SAMSN1: variants seen among roughly 807,000 people sequenced by gnomAD.
The protein encoded by SAMSN1 is SAM domain, SH3 domain and nuclear localization signals 1, also known as SAM domain-containing protein SAMSN-1.
Under a neutral mutation model 42.0 loss-of-function variants are expected in SAMSN1, and 31 were observed. That is an observed-to-expected ratio of 0.74 (90% CI 0.55 to 1.00). The LOEUF is 1.00. Ranked by LOEUF, SAMSN1 falls within the 50% of genes least tolerant of loss-of-function variation. The pLI is 0.00. For missense variants in SAMSN1, 464 were observed against 439.4 expected (o/e 1.06, Z -0.50); for synonymous variants, 178 against 151.9 (o/e 1.17, Z -1.26).
chr21:14,559,099 C>A (rs1296771069), intron 2 of SAMSN1, among the ~76,000 whole-genome samples: 1 of 152,144 alleles, frequency 6.6e-6, no homozygotes, highest in East Asian at 1.9e-4. Context: ...TTGAATTTGC[C>A]AACTCCTGTT....
chr21:14,507,718 C>A (rs928519591), intron 5 of SAMSN1, among the ~76,000 whole-genome samples: 8 of 151,948 alleles, frequency 5.3e-5, no homozygotes, highest in African/African-American at 1.4e-4. Context: ...TCATATGGAA[C>A]CAAAAAAGAG....
chr21:14,504,366 G>A (rs1037942595), intron 5 of SAMSN1, among the ~76,000 whole-genome samples: 7 of 152,270 alleles, frequency 4.6e-5, no homozygotes, highest in South Asian at 2.1e-4. Context: ...GATCCAAGAC[G>A]TGAAGGGAGA....
intron 1 of SAMSN1, among the ~76,000 whole-genome samples, chr21:14,650,440 T>C (rs1308119450): frequency 6.6e-6 from 1 of 152,064 alleles, no homozygotes; most frequent in Non-Finnish European, 1.5e-5. Context: ...TGACCAGTGG[T>C]CAATGAAGAG....
At chr21:14,602,233 T>C (rs549003084) in intron 5 of SAMSN1, 21 of 343,714 alleles carry the variant, frequency 6.1e-5, no homozygotes, top group Non-Finnish European at 9.6e-5. Flanking sequence ...ATATTTTTTT[T>C]TGTTAAATAT....
Position 14,498,086 on chromosome 21 carries a change from A to G in SAMSN1, c.919+356T>C, listed in dbSNP as rs540370653. Among the ~76,000 whole-genome samples, 21 of 152,344 alleles carry G rather than the reference A, an allele frequency of 1.4e-4. No individual in the cohort carries two copies. In the South Asian group the frequency reaches 1.7e-3, roughly 12 times the overall value. On this transcript the variant is annotated intron_variant, in intron 7 of 7. Transcript: ENST00000400566. ...AGCCTCGTGTTGTTCTACAGAAGCC[A>G]TGTGTGACATTTCGCACTAATGGCT... is the stretch of plus-strand genomic sequence containing the variant.
intron 7 of SAMSN1, among the ~76,000 whole-genome samples, chr21:14,494,916 A>T (rs1028795058): frequency 2.0e-5 from 3 of 152,130 alleles, no homozygotes; most frequent in Non-Finnish European, 4.4e-5. Flanking sequence ...CATTATCTCA[A>T]AATTTTAGCT....
chr21:14,591,812 T>C (rs1471631943), intron 7 of SAMSN1: 1 of 152,122 alleles, frequency 6.6e-6, no homozygotes, highest in Non-Finnish European at 1.5e-5. Flanking sequence ...TTCTAGCTCC[T>C]CCTTCCTCTC....
upstream of SAMSN1, among the ~76,000 whole-genome samples, chr21:14,586,288 A>G (rs1379445171): frequency 6.6e-6 from 1 of 151,586 alleles, no homozygotes; most frequent in East Asian, 1.9e-4. Flanking sequence ...AGAAAAAGAA[A>G]AAAAAAGAAA....
At chr21:14,558,232 T>G (rs1345122888) in intron 2 of SAMSN1, among the ~76,000 whole-genome samples, 1 of 152,074 alleles carries the variant, frequency 6.6e-6, no homozygotes, top group Non-Finnish European at 1.5e-5. Flanking sequence ...GCCACCTCCT[T>G]GGATTGACAA....
chr21:14,637,533 G>T (rs1225914595), intron 2 of SAMSN1, among the ~76,000 whole-genome samples: 1 of 152,262 alleles, frequency 6.6e-6, no homozygotes, highest in Non-Finnish European at 1.5e-5. Flanking sequence ...CAATGTAATA[G>T]GTCCAAGATG....
chr21:14,657,509 C>T (rs1352447298), intron 1 of SAMSN1, among the ~76,000 whole-genome samples: 1 of 151,824 alleles, frequency 6.6e-6, no homozygotes, highest in Admixed American at 6.6e-5. Context: ...CCACGCTGAA[C>T]CATGCTATGT....
intron 2 of SAMSN1, among the ~76,000 whole-genome samples, chr21:14,570,204 C>G (rs948554331): frequency 9.9e-5 from 15 of 152,146 alleles, no homozygotes; most frequent in Admixed American, 3.9e-4. Flanking sequence ...AAAAAGTTCC[C>G]GCATTCTAGA....
intron 2 of SAMSN1, among the ~76,000 whole-genome samples, chr21:14,559,803 GC>G (rs1568808358): frequency 1.3e-5 from 2 of 152,070 alleles, no homozygotes; most frequent in African/African-American, 4.8e-5. Context: ...ACCAAGCCTG[GC>G]CTCAAAATCC....
At chr21:14,656,854 A>G (rs1366423799) in intron 1 of SAMSN1, among the ~76,000 whole-genome samples, 3 of 151,982 alleles carry the variant, frequency 2.0e-5, no homozygotes, top group East Asian at 1.9e-4. Context: ...TATGTGACAC[A>G]TAATATTTAA....
chr21:14,637,215 G>A (rs917350407), intron 2 of SAMSN1, among the ~76,000 whole-genome samples: 1 of 151,578 alleles, frequency 6.6e-6, no homozygotes, highest in Non-Finnish European at 1.5e-5. Context: ...GATTTTTTTC[G>A]CTGGGACTGA....
At chr21:14,641,381 C>A (rs1261270482) in intron 2 of SAMSN1, among the ~76,000 whole-genome samples, 4 of 152,060 alleles carry the variant, frequency 2.6e-5, no homozygotes, top group African/African-American at 9.7e-5. Context: ...GATAATAAGC[C>A]ATTTTTAATG....
intron 1 of SAMSN1, among the ~76,000 whole-genome samples, chr21:14,647,480 G>A (rs1461730789): frequency 1.3e-5 from 2 of 149,096 alleles, no homozygotes; most frequent in Non-Finnish European, 3.0e-5. Flanking sequence ...CTCTTTTTTG[G>A]TTCCCTATGA....
chr21:14,556,131 C>A (rs918988109), intron 2 of SAMSN1, among the ~76,000 whole-genome samples: 1 of 152,140 alleles, frequency 6.6e-6, no homozygotes, highest in South Asian at 2.1e-4. Context: ...AAGATCATTT[C>A]TATTTCCTTT....
At chr21:14,581,611 G>A (rs985962603) in intron 2 of SAMSN1, among the ~76,000 whole-genome samples, 66 of 151,298 alleles carry the variant, frequency 4.4e-4, no homozygotes, top group African/African-American at 1.5e-3. Flanking sequence ...CTCCCGCCTC[G>A]GCCTCCCAAA....
Sources: gnomAD v4.1 joint callset for allele counts (sites outside exome capture counted in the v4.1 genomes callset) on GRCh38, gnomAD v4.1.1 for gene constraint, MANE v1.5 for transcripts, NCBI Gene and HGNC (gene_info 2026-07-23, HGNC 2026-07-21) for gene names.